TCF12: variants seen among roughly 807,000 people sequenced by gnomAD.
TCF12 encodes transcription factor 12.
A neutral mutation model predicts 86.0 loss-of-function variants in TCF12; 45 were observed. The observed-to-expected ratio is 0.52, with a 90% CI of 0.41 to 0.67. The LOEUF (loss-of-function observed/expected upper bound fraction) is 0.67, where lower values mean the gene tolerates loss of function less well. TCF12 is among the 30% of genes least tolerant of loss of function. The pLI is 0.00. For synonymous variants in TCF12, 330 were observed against 299.6 expected (o/e 1.10, Z -1.05); for missense variants, 881 against 859.9 (o/e 1.02, Z -0.31).
At chr15:56,977,214 G>A (rs2062651225) in intron 3 of TCF12, among the ~76,000 whole-genome samples, 1 of 152,066 alleles carries the variant, frequency 6.6e-6, no homozygotes, top group South Asian at 2.1e-4. Flanking sequence ...GACATATGGG[G>A]GAAAATTTTT....
chr15:57,005,669 A>G (rs183976946), intron 3 of TCF12, among the ~76,000 whole-genome samples: 173 of 152,172 alleles, frequency 1.1e-3, no homozygotes, highest in Non-Finnish European at 1.4e-3. Flanking sequence ...CCTGGGCTCA[A>G]GCAGTCCTCT....
chr15:56,994,950 C>T lies in TCF12; in HGVS notation c.149-68800C>T, dbSNP rs115196947. On this transcript the variant is annotated intron_variant, in intron 3 of 20. Coordinates refer to ENST00000333725, the MANE Select transcript of TCF12 (RefSeq NM_207037.2). The stretch of plus-strand genomic sequence containing the variant: ...TTCTCCTCATGAATTCTTTAAAATA[C>T]GTTGGATAATTGAGAGGAAAAGTTA... Among the ~76,000 whole-genome samples, 1,120 of 151,998 alleles carry T rather than the reference C, an allele frequency of 7.4e-3. 15 individuals are homozygous for T. The highest frequency in any genetic ancestry group is 0.026 in the African/African-American group (1,065 of 41,490).
intron 6 of TCF12, among the ~76,000 whole-genome samples, chr15:57,170,501 A>G (rs2055234782): frequency 1.3e-5 from 2 of 149,094 alleles, no homozygotes; most frequent in African/African-American, 2.5e-5. Context: ...AAACATTTCA[A>G]AAAATAAATA....
Position 57,197,722 on chromosome 15 carries a change from A to G in TCF12, c.527-51A>G, listed in dbSNP as rs138329176. ...GTTATTCTGTTAATTTGAAGTCTTGATTTTTTTCTGGTATATTATGCTGAA... is the reference window on the plus strand; with the variant it reads ...GTTATTCTGTTAATTTGAAGTCTTGGTTTTTTTCTGGTATATTATGCTGAA... On this transcript the variant is annotated intron_variant, in intron 7 of 20. Coordinates refer to ENST00000333725, the MANE Select transcript of TCF12 (RefSeq NM_207037.2). 1.5e-3 allele frequency: 2,307 copies of G among 1,590,612 alleles called. 37 individuals carry two copies. The highest frequency in any genetic ancestry group is 4.7e-3 in the Middle Eastern group (28 of 5,922).
At chr15:57,133,921 T>A (rs2052334318) in intron 5 of TCF12, among the ~76,000 whole-genome samples, 1 of 152,230 alleles carries the variant, frequency 6.6e-6, no homozygotes, top group Non-Finnish European at 1.5e-5. Context: ...TCTTTTTTGC[T>A]GTTTGTTGTT....
chr15:57,165,159 TGTGTGC>T (rs1449685244), intron 5 of TCF12, among the ~76,000 whole-genome samples: 1 of 150,148 alleles, frequency 6.7e-6, no homozygotes, highest in African/African-American at 2.5e-5. Context: ...TGTGTGTGTG[TGTGTGC>T]GTACACGAGA....
At chr15:57,138,747 T>C (rs1442093386) in intron 5 of TCF12, among the ~76,000 whole-genome samples, 1 of 152,130 alleles carries the variant, frequency 6.6e-6, no homozygotes, top group Non-Finnish European at 1.5e-5. Flanking sequence ...TTTATTGGGG[T>C]TCATAGATAA....
At chr15:57,101,246 C>T (rs530170708) in intron 5 of TCF12, among the ~76,000 whole-genome samples, 2 of 151,954 alleles carry the variant, frequency 1.3e-5, no homozygotes, top group African/African-American at 4.8e-5. Context: ...TGCTCTGTTG[C>T]CCAGACTGGA....
chr15:57,012,930 C>G (rs1002195385), intron 3 of TCF12, among the ~76,000 whole-genome samples: 1 of 151,976 alleles, frequency 6.6e-6, no homozygotes, highest in Non-Finnish European at 1.5e-5. Flanking sequence ...TTTCTGTGAT[C>G]GAGAGTAAGA....
intron 5 of TCF12, among the ~76,000 whole-genome samples, chr15:57,144,908 ACTT>A (rs1268704435): frequency 1.2e-4 from 18 of 152,100 alleles, no homozygotes; most frequent in African/African-American, 4.1e-4. Context: ...GGCAGACCTA[ACTT>A]CTTTGTGCAC....
intron 5 of TCF12, among the ~76,000 whole-genome samples, chr15:57,128,241 CT>C (rs1445462087): frequency 1.3e-5 from 2 of 152,078 alleles, no homozygotes; most frequent in Non-Finnish European, 2.9e-5. Context: ...AATTGTACTC[CT>C]TTTTCGCTAA....
chr15:57,039,717 A>G (rs1033160034), intron 3 of TCF12, among the ~76,000 whole-genome samples: 1 of 152,028 alleles, frequency 6.6e-6, no homozygotes, highest in Admixed American at 6.6e-5. Context: ...AAGTCCGTAG[A>G]CCTTCTTGTT....
At chr15:56,979,798 T>C (rs563385143) in intron 3 of TCF12, among the ~76,000 whole-genome samples, 13 of 152,338 alleles carry the variant, frequency 8.5e-5, no homozygotes, top group Middle Eastern at 3.4e-3. Context: ...TATCTAAATG[T>C]TGTGAATTCT....
At chr15:57,197,152 C>CT (rs138145337) in intron 7 of TCF12, among the ~76,000 whole-genome samples, 1,600 of 87,218 alleles carry the variant, frequency 0.018, 102 homozygotes, top group African/African-American at 0.053. Context: ...AGAACAGCTT[C>CT]TTTTTTTTTT....
At chr15:57,038,171 G>A (rs1485562704) in intron 3 of TCF12, among the ~76,000 whole-genome samples, 2 of 152,076 alleles carry the variant, frequency 1.3e-5, no homozygotes, top group Admixed American at 6.6e-5. Context: ...CAGGCGTGGC[G>A]GCTCATGCCT....
intron 12 of TCF12, among the ~76,000 whole-genome samples, chr15:57,236,012 A>C (rs1270556454): frequency 6.6e-6 from 1 of 152,214 alleles, no homozygotes; most frequent in African/African-American, 2.4e-5. Context: ...CAGTGAAGAA[A>C]TGTTTAATCT....
At chr15:57,124,140 G>A (rs2051457956) in intron 5 of TCF12, among the ~76,000 whole-genome samples, 1 of 151,950 alleles carries the variant, frequency 6.6e-6, no homozygotes, top group Non-Finnish European at 1.5e-5. Flanking sequence ...TCCTCTAAAG[G>A]CCTCTGGCTC....
At chr15:57,047,442 C>T (rs1240587338) in intron 3 of TCF12, among the ~76,000 whole-genome samples, 2 of 152,004 alleles carry the variant, frequency 1.3e-5, no homozygotes, top group African/African-American at 4.8e-5. Flanking sequence ...TTTTGTATAC[C>T]TAAAACTATT....
intron 8 of TCF12, chr15:57,213,994 A>G (rs1469371280): frequency 2.6e-5 from 4 of 152,176 alleles, no homozygotes; most frequent in Non-Finnish European, 5.9e-5. Flanking sequence ...TCCTTTGATT[A>G]TGGAGCCATC....
Sources: allele counts gnomAD v4.1 joint callset (sites outside exome capture counted in the v4.1 genomes callset), GRCh38; gene constraint gnomAD v4.1.1; transcripts MANE v1.5; gene names NCBI Gene and HGNC (gene_info 2026-07-23, HGNC 2026-07-21).